The following SLC4A4 variants were observed in gnomAD, a reference collection of about 807,000 sequenced individuals.
SLC4A4 encodes electrogenic sodium bicarbonate cotransporter 1.
SLC4A4 carries 27 observed loss-of-function variants against 111.5 expected under a neutral mutation model. The ratio of observed to expected loss-of-function variants is 0.24; its 90% CI spans 0.18 to 0.33. SLC4A4 has a LOEUF of 0.33. Among genes scored for constraint, SLC4A4 ranks in the 10% least tolerant of loss-of-function variants. The probability of loss-of-function intolerance (pLI) is 1.00; values close to 1 mark genes in which losing one functional copy is unlikely to be tolerated. For missense variants in SLC4A4, 909 were observed against 1,315.5 expected, an observed-to-expected ratio of 0.69 and a Z score of 4.78; for synonymous variants, 443 against 463.4, an observed-to-expected ratio of 0.96 and a Z score of 0.57.
chr4:71,310,033 G>A (rs1454258276), intron 3 of SLC4A4, among the ~76,000 whole-genome samples: 2 of 151,780 alleles, frequency 1.3e-5, no homozygotes, highest in African/African-American at 2.4e-5. Context: ...ACTTCGTGAA[G>A]CATATACAAG....
intron 16 of SLC4A4, among the ~76,000 whole-genome samples, chr4:71,500,591 A>G (rs1455725435): frequency 6.6e-6 from 1 of 152,148 alleles, no homozygotes; most frequent in Admixed American, 6.5e-5. Context: ...AAGTGCCGGG[A>G]TTACAGGTGT....
At chr4:71,491,037 T>G (rs1729853995) in intron 15 of SLC4A4, among the ~76,000 whole-genome samples, 1 of 97,506 alleles carries the variant, frequency 1.0e-5, no homozygotes, top group African/African-American at 2.6e-5. Flanking sequence ...ACTATGATTT[T>G]TATAGGGTAT....
At chr4:71,361,418 G>A (rs1430747317) in intron 6 of SLC4A4, among the ~76,000 whole-genome samples, 1 of 152,196 alleles carries the variant, frequency 6.6e-6, no homozygotes, top group African/African-American at 2.4e-5. Flanking sequence ...AGTGAGGCAA[G>A]CTTTCAAAAT....
chr4:71,471,071 C>G (rs1267310751), intron 13 of SLC4A4, among the ~76,000 whole-genome samples: 3 of 151,934 alleles, frequency 2.0e-5, no homozygotes, highest in East Asian at 1.9e-4. Context: ...ATCACAGTAC[C>G]TAAAGAACTT....
chr4:71,272,240 G>A (rs1243301707), intron 3 of SLC4A4, among the ~76,000 whole-genome samples: 1 of 152,186 alleles, frequency 6.6e-6, no homozygotes, highest in African/African-American at 2.4e-5. Context: ...AGCTCATGTA[G>A]TGGTGCTGCT....
intron 16 of SLC4A4, among the ~76,000 whole-genome samples, chr4:71,507,538 G>A (rs891534036): frequency 1.3e-5 from 2 of 152,136 alleles, no homozygotes; most frequent in African/African-American, 2.4e-5. Flanking sequence ...AACAAGAAGA[G>A]CTAACTATCC....
At chr4:71,384,915 A>G (rs1718526381) in intron 6 of SLC4A4, among the ~76,000 whole-genome samples, 1 of 151,576 alleles carries the variant, frequency 6.6e-6, no homozygotes, top group Admixed American at 6.6e-5. Context: ...CATTAGGAGA[A>G]ATACCTAATG....
intron 7 of SLC4A4, among the ~76,000 whole-genome samples, chr4:71,432,940 G>A (rs1006469531): frequency 1.3e-5 from 2 of 152,038 alleles, no homozygotes; most frequent in South Asian, 2.1e-4. Context: ...CTTTTGATTT[G>A]AGGGGAGAGA....
At chr4:71,285,796 CTGTT>C (rs1430539562) in intron 3 of SLC4A4, among the ~76,000 whole-genome samples, 3 of 152,166 alleles carry the variant, frequency 2.0e-5, no homozygotes, top group Non-Finnish European at 4.4e-5. Context: ...GTCATCTAAT[CTGTT>C]TGGTACTCTT....
chr4:71,138,990 C>T (rs1039525780), intron 2 of SLC4A4, among the ~76,000 whole-genome samples: 6 of 135,316 alleles, frequency 4.4e-5, no homozygotes, highest in Non-Finnish European at 4.6e-5. Context: ...GAGCAGAGAT[C>T]GTGCCACTGC....
Position 71,214,899 on chromosome 4 carries a change from G to C in SLC4A4, c.-1-21677G>C, listed in dbSNP as rs558458436. On this transcript the variant is annotated intron_variant, in intron 1 of 25. Coordinates refer to ENST00000264485, the MANE Select transcript of SLC4A4 (RefSeq NM_001098484.3). ...ATGAGGATTCACAGTTGATGCAGTA[G>C]TAGCTTTATGCATTATGCAGCTTTA... Among the ~76,000 whole-genome samples the C allele has an allele frequency of 2.0e-5, 3 of 152,320 alleles. No individual in the cohort carries two copies. In the East Asian group the frequency reaches 5.8e-4, roughly 29 times the overall value.
chr4:71,275,406 TC>T lies in SLC4A4; in HGVS notation c.253+20009del, dbSNP rs750183204. The stretch of plus-strand genomic sequence containing the variant: ...CTTGTCACTTTCTTTCTACAATACT[TC>T]CTGAAAAGTTTTCCTTTCATTTGAG... On this transcript the variant is annotated intron_variant, in intron 3 of 25. Transcript: ENST00000264485. 6.2e-4 allele frequency among the ~76,000 whole-genome samples: 94 copies of T among 152,328 alleles called. 1 individual carries two copies. Among genetic ancestry groups the T allele is most frequent in the East Asian group, 1.5e-3 (8 of 5,188 alleles).
intron 3 of SLC4A4, among the ~76,000 whole-genome samples, chr4:71,332,445 CTTTTTTT>C (rs1217439953): frequency 2.2e-5 from 3 of 136,902 alleles, no homozygotes; most frequent in East Asian, 2.1e-4. Flanking sequence ...TGTGTATTTT[CTTTTTTT>C]TTTTTTTTTT....
At chr4:71,274,020 C>G (rs531942324) in intron 3 of SLC4A4, among the ~76,000 whole-genome samples, 1 of 152,064 alleles carries the variant, frequency 6.6e-6, no homozygotes, top group Non-Finnish European at 1.5e-5. Flanking sequence ...GACCTAACAC[C>G]GTCAAATCTG....
At chr4:71,316,883 C>G (rs1337577144) in intron 3 of SLC4A4, among the ~76,000 whole-genome samples, 1 of 152,090 alleles carries the variant, frequency 6.6e-6, no homozygotes, top group Non-Finnish European at 1.5e-5. Flanking sequence ...AGGACATGAT[C>G]TCATTCTATG....
intron 1 of SLC4A4, among the ~76,000 whole-genome samples, chr4:71,234,554 G>C (rs904286191): frequency 1.3e-5 from 2 of 152,124 alleles, no homozygotes; most frequent in African/African-American, 4.8e-5. Flanking sequence ...GCCTCCCGAG[G>C]AGCTGGGATT....
At chr4:71,236,061 C>G in intron 1 of SLC4A4, 2 of 994,658 alleles carry the variant, frequency 2.0e-6, no homozygotes, top group Non-Finnish European at 2.4e-6. Context: ...TAGGCTCCCA[C>G]TGTGCACTAG....
At chr4:71,487,047 T>C (rs754059630) in intron 15 of SLC4A4, 29 bp downstream of exon 15, 22 of 1,252,580 alleles carry the variant, frequency 1.8e-5, no homozygotes, top group Non-Finnish European at 2.3e-5. Flanking sequence ...TAAATTACCT[T>C]CATACTGACT....
chr4:71,099,627 C>G (rs947997206), intron 2 of SLC4A4, among the ~76,000 whole-genome samples: 3 of 151,974 alleles, frequency 2.0e-5, no homozygotes, highest in African/African-American at 2.4e-5. Context: ...CACAAAAAAC[C>G]ATTCAAAAGA....
Sources: allele counts gnomAD v4.1 joint callset (sites outside exome capture counted in the v4.1 genomes callset), GRCh38; gene constraint gnomAD v4.1.1; transcripts MANE v1.5; gene names NCBI Gene and HGNC (gene_info 2026-07-23, HGNC 2026-07-21).